The following ACYP2 variants were observed in gnomAD, a reference collection of about 807,000 sequenced individuals.
ACYP2 encodes acylphosphatase 2.
Under a neutral mutation model 11.2 loss-of-function variants are expected in ACYP2, and 12 were observed. The observed-to-expected ratio is 1.08, with a 90% CI of 0.69 to 1.74. The LOEUF (loss-of-function observed/expected upper bound fraction) is 1.74, where lower values mean the gene tolerates loss of function less well. ACYP2 is among the 40% of genes most tolerant of loss of function. The probability of loss-of-function intolerance (pLI) is 0.00; values close to 1 mark genes in which losing one functional copy is unlikely to be tolerated. For missense variants in ACYP2, 134 were observed against 101.9 expected (o/e 1.31, Z -1.35); for synonymous variants, 43 against 32.2 (o/e 1.33, Z -1.13).
chr2:54,182,219 C>T (rs948503616), intron 6 of ACYP2, among the ~76,000 whole-genome samples: 1 of 151,790 alleles, frequency 6.6e-6, no homozygotes, highest in Non-Finnish European at 1.5e-5. Context: ...GCCACCACGT[C>T]AGTCTAATTT....
intron 2 of ACYP2, among the ~76,000 whole-genome samples, chr2:54,002,163 A>T (rs1672832168): frequency 6.6e-6 from 1 of 152,158 alleles, no homozygotes; most frequent in African/African-American, 2.4e-5. Context: ...CTGCCTATTC[A>T]TTCCTACTCT....
intron 6 of ACYP2, among the ~76,000 whole-genome samples, chr2:54,267,741 G>A (rs1688101744): frequency 6.6e-6 from 1 of 152,154 alleles, no homozygotes; most frequent in Admixed American, 6.5e-5. Context: ...ATGGTAAAAT[G>A]ATTGTTGGCA....
At chr2:54,096,566 T>C (rs1228045939) in intron 4 of ACYP2, among the ~76,000 whole-genome samples, 1 of 152,126 alleles carries the variant, frequency 6.6e-6, no homozygotes, top group African/African-American at 2.4e-5. Context: ...TGAACCAGAC[T>C]CCATCTGCAA....
chr2:54,251,002 A>G (rs1231067872), intron 6 of ACYP2, among the ~76,000 whole-genome samples: 1 of 152,242 alleles, frequency 6.6e-6, no homozygotes, highest in African/African-American at 2.4e-5. Context: ...CAGTCTTCAG[A>G]ATAGCATCAT....
rs868573972 is a variant in ACYP2, at chr2:54,130,592, G to A, written c.278-4861G>A. Among the ~76,000 whole-genome samples the A allele has an allele frequency of 9.2e-5, 14 of 152,296 alleles. No individual in the cohort carries two copies. The Middle Eastern group carries it at 0.02, about 222-fold the overall frequency. On this transcript the variant is annotated intron_variant, in intron 4 of 6. Transcript: ENST00000607452. Reference sequence around the variant, plus strand: ...AGGGAGGCTAGTTAAGGAGGTTCTTGTAGTAGATGAGTTGAAAGATTATGG... The same window carrying A: ...AGGGAGGCTAGTTAAGGAGGTTCTTATAGTAGATGAGTTGAAAGATTATGG...
intron 2 of ACYP2, among the ~76,000 whole-genome samples, chr2:53,987,299 A>G (rs1204850095): frequency 1.3e-5 from 2 of 151,868 alleles, no homozygotes; most frequent in East Asian, 1.9e-4. Context: ...TGAGCTGTAC[A>G]TTTATGATAC....
intron 6 of ACYP2, among the ~76,000 whole-genome samples, chr2:54,278,782 A>T (rs1384827453): frequency 6.6e-6 from 1 of 152,196 alleles, no homozygotes; most frequent in Non-Finnish European, 1.5e-5. Flanking sequence ...CTTTTGCCAG[A>T]TATTATATTA....
chr2:54,227,333 T>C (rs1558627151), intron 6 of ACYP2, among the ~76,000 whole-genome samples: 1 of 152,162 alleles, frequency 6.6e-6, no homozygotes, highest in East Asian at 1.9e-4. Flanking sequence ...TCATCTCTTT[T>C]ATTCCACTTA....
intron 4 of ACYP2, among the ~76,000 whole-genome samples, chr2:54,133,118 C>T (rs868129291): frequency 2.0e-5 from 3 of 152,170 alleles, no homozygotes; most frequent in South Asian, 2.1e-4. Flanking sequence ...CCCATCACCC[C>T]GAAGTTCTTC....
intron 2 of ACYP2, among the ~76,000 whole-genome samples, chr2:54,041,133 G>T (rs1353917185): frequency 6.7e-6 from 1 of 149,994 alleles, no homozygotes; most frequent in Non-Finnish European, 1.5e-5. Context: ...TTTTTGTAGA[G>T]ACAGGGTTTC....
rs184367183 is a variant in ACYP2, at chr2:54,210,663, T to G, written c.404+71915T>G. Among the ~76,000 whole-genome samples the G allele has an allele frequency of 3.9e-5, 6 of 152,338 alleles. No homozygotes were observed. In the East Asian group the frequency reaches 9.6e-4, roughly 24 times the overall value. ...TTTGCACAAGTATTGTAAGTACTTA[T>G]GAGTATTGTTTATTCAAAACAGTAT... On this transcript the variant is annotated intron_variant, in intron 6 of 6. Coordinates refer to ENST00000607452, the MANE Select transcript of ACYP2 (RefSeq NM_001320586.2).
At chr2:54,173,891 A>C (rs1683325748) in intron 6 of ACYP2, among the ~76,000 whole-genome samples, 2 of 152,060 alleles carry the variant, frequency 1.3e-5, no homozygotes, top group Non-Finnish European at 2.9e-5. Flanking sequence ...ATTGGTATAT[A>C]TCTCTGTTTT....
intron 6 of ACYP2, among the ~76,000 whole-genome samples, chr2:54,203,650 G>A (rs1009258471): frequency 6.6e-6 from 1 of 152,080 alleles, no homozygotes. Context: ...TTGTTGAGTG[G>A]TTTTTCTCAT....
intron 2 of ACYP2, among the ~76,000 whole-genome samples, chr2:53,987,831 G>C (rs1672106925): frequency 6.6e-6 from 1 of 151,976 alleles, no homozygotes; most frequent in African/African-American, 2.4e-5. Context: ...TAATTGGATT[G>C]CTTGTGGGTT....
intron 2 of ACYP2, among the ~76,000 whole-genome samples, chr2:54,035,328 C>T (rs1438025636): frequency 7.0e-6 from 1 of 143,296 alleles, no homozygotes. Context: ...GGCAGTGGTG[C>T]GATCTCGGCG....
chr2:54,284,471 T>C (rs1413610094), intron 6 of ACYP2, among the ~76,000 whole-genome samples: 1 of 152,196 alleles, frequency 6.6e-6, no homozygotes, highest in Non-Finnish European at 1.5e-5. Flanking sequence ...TTATCCCTTA[T>C]TTCATTCTCC....
At chr2:54,264,416 C>G in intron 6 of ACYP2, among the ~76,000 whole-genome samples, 1 of 152,278 alleles carries the variant, frequency 6.6e-6, no homozygotes, top group South Asian at 2.1e-4. Flanking sequence ...AATCCTCTAG[C>G]TAGGCAGAAA....
At chr2:53,979,013 A>G (rs567348038) in intron 2 of ACYP2, among the ~76,000 whole-genome samples, 5 of 152,306 alleles carry the variant, frequency 3.3e-5, no homozygotes, top group South Asian at 2.1e-4. Context: ...TGTATTTGCT[A>G]TACTATACCT....
chr2:53,985,772 C>A (rs1672007972), intron 2 of ACYP2, among the ~76,000 whole-genome samples: 1 of 152,120 alleles, frequency 6.6e-6, no homozygotes, highest in Non-Finnish European at 1.5e-5. Flanking sequence ...TGATGATCTT[C>A]CCATAATGAT....
Sources: allele counts gnomAD v4.1 joint callset (sites outside exome capture counted in the v4.1 genomes callset), GRCh38; gene constraint gnomAD v4.1.1; transcripts MANE v1.5; gene names NCBI Gene and HGNC (gene_info 2026-07-23, HGNC 2026-07-21).